POTEG: variants seen among roughly 807,000 people sequenced by gnomAD.
POTEG encodes the protein ANKRD26-like family C member 2.
A neutral mutation model predicts 49.6 loss-of-function variants in POTEG; 2 were observed. That is an observed-to-expected ratio of 0.04 (90% CI 0.02 to 0.13). POTEG has a LOEUF of 0.13. Ranked by LOEUF, POTEG falls within the 10% of genes least tolerant of loss-of-function variation. POTEG has a pLI of 1.00. For missense variants in POTEG, 26 were observed against 545.2 expected (o/e 0.05, Z 9.48); for synonymous variants, 7 against 186.6 (o/e 0.04, Z 7.84).
intron 7 of POTEG, among the ~76,000 whole-genome samples, chr14:19,415,995 C>T (rs1453428585): frequency 3.4e-5 from 5 of 149,212 alleles, no homozygotes; most frequent in South Asian, 4.3e-4. Flanking sequence ...CAGGTGCCCA[C>T]CACCACACCC....
At chr14:19,427,046 TCAG>T (rs1883985037) in intron 3 of POTEG, 1 of 311,854 alleles carries the variant, frequency 3.2e-6, no homozygotes, top group Non-Finnish European at 6.1e-6. Flanking sequence ...TTTAAAGAAA[TCAG>T]CACATATCCA....
chr14:19,413,350 TTAC>T lies in POTEG; in HGVS notation c.1409+1_1409+3del. Reference sequence around the variant, plus strand: ...TCTCCTGTTCAATGTTGCCACAGACTTACCTGTGATACTGTTCATTCTCAGTGT... The same window carrying T: ...TCTCCTGTTCAATGTTGCCACAGACTCTGTGATACTGTTCATTCTCAGTGT... On this transcript the variant is annotated splice_donor_variant and splice_donor_region_variant and intron_variant, in intron 9 of 10. Coordinates refer to ENST00000547848, the MANE Select transcript of POTEG (RefSeq NM_001005356.3). LOFTEE classifies it high-confidence loss of function. The T allele has an allele frequency of 8.8e-7, 1 of 1,131,100 alleles. No individual in the cohort carries two copies. Among genetic ancestry groups the T allele is most frequent in the Non-Finnish European group, 1.2e-6 (1 of 838,990 alleles). 70.1% of individuals were successfully genotyped at this position (1,131,100 alleles called of 1,614,324 possible). A position where few individuals can be genotyped will look rare whatever the true frequency, so the allele number is the denominator to read the frequency against.
chr14:19,415,840 T>C lies in POTEG; in HGVS notation c.1197+448A>G, dbSNP rs1298888995. On this transcript the variant is annotated intron_variant, in intron 7 of 10. Transcript: ENST00000547848. ...AAGAATCTATTAAAATTTTTTTTTT[T>C]TTTTTTTTTTTTTTTTTTTTTTTGA... 1.2e-4 allele frequency among the ~76,000 whole-genome samples: 16 copies of C among 131,740 alleles called. 1 individual carries two copies. Among genetic ancestry groups the C allele is most frequent in the South Asian group, 7.2e-4 (3 of 4,184 alleles). 86.4% of individuals were successfully genotyped at this position (131,740 alleles called of 152,430 possible).
chr14:19,415,935 C>T (rs1203809947), intron 7 of POTEG, among the ~76,000 whole-genome samples: 1 of 145,176 alleles, frequency 6.9e-6, no homozygotes, highest in Non-Finnish European at 1.5e-5. Flanking sequence ...AGCTCCACCC[C>T]CCAGGTTCAT....
At chr14:19,408,479 CTTT>C (rs1883346675) in intron 9 of POTEG, among the ~76,000 whole-genome samples, 1 of 150,200 alleles carries the variant, frequency 6.7e-6, no homozygotes, top group Non-Finnish European at 1.5e-5. Flanking sequence ...TTCCAACTGT[CTTT>C]TTATTTCAAA....
intron 7 of POTEG, among the ~76,000 whole-genome samples, chr14:19,415,828 AATTTTTTTTTTTTTTTTT>A (rs1883537277): frequency 7.5e-6 from 1 of 132,996 alleles, no homozygotes; most frequent in East Asian, 2.2e-4. Context: ...AATCTATTAA[AATTTTTTTTTTTTTTTTT>A]TTTTTTTTTT....
chr14:19,415,163 G>A (rs1235404039), intron 7 of POTEG, among the ~76,000 whole-genome samples: 1 of 144,224 alleles, frequency 6.9e-6, no homozygotes, highest in Non-Finnish European at 1.6e-5. Context: ...ATTATATACT[G>A]TAATATGATA....
chr14:19,426,908 C>T (rs1477882060), intron 3 of POTEG: 1 of 409,286 alleles, frequency 2.4e-6, no homozygotes, highest in Non-Finnish European at 4.7e-6. Flanking sequence ...GGAGGACCAT[C>T]TGAGCTTCGG....
intron 7 of POTEG, among the ~76,000 whole-genome samples, chr14:19,415,938 A>C (rs185095639): frequency 0.072 from 9,257 of 127,838 alleles, no homozygotes; most frequent in South Asian, 0.14. Context: ...TCCACCCCCC[A>C]GGTTCATGGC....
intron 6 of POTEG, among the ~76,000 whole-genome samples, chr14:19,420,015 G>A (rs1214746202): frequency 2.9e-5 from 4 of 139,076 alleles, no homozygotes; most frequent in Admixed American, 7.2e-5. Context: ...CACACTTTTG[G>A]TATTAGCAAA....
At chr14:19,414,701 AGTAATCAAGT>A (rs1306841441) in intron 7 of POTEG, 95 bp from the exon 8 acceptor site, 1 of 1,378,672 alleles carries the variant, frequency 7.3e-7, no homozygotes, top group Non-Finnish European at 9.8e-7. Flanking sequence ...TTTATTCTTA[AGTAATCAAGT>A]ATGGACAATA....
chr14:19,414,939 AC>A, intron 7 of POTEG, among the ~76,000 whole-genome samples: 1 of 134,648 alleles, frequency 7.4e-6, no homozygotes, highest in Admixed American at 7.4e-5. Context: ...TGTTAAATCT[AC>A]CAAAAATGAA....
intron 1 of POTEG, among the ~76,000 whole-genome samples, chr14:19,432,363 T>TG (rs1884166547): frequency 8.6e-5 from 4 of 46,424 alleles, no homozygotes; most frequent in Non-Finnish European, 1.7e-4. Context: ...AAAAAGAAAT[T>TG]TTGTATATAT....
chr14:19,419,009 A>C lies in POTEG; in HGVS notation c.1126+2615T>G, dbSNP rs543840821. Among the ~76,000 whole-genome samples the C allele has an allele frequency of 1.1e-4, 13 of 118,740 alleles. 1 individual carries two copies. Among genetic ancestry groups the C allele is most frequent in the African/African-American group, 3.0e-4 (8 of 26,694 alleles). The allele number at this position is 118,740 out of a possible 152,430, so 77.9% of individuals were successfully genotyped here. ...ATGAAAAAAGCATAACACCAAAAAA[A>C]AAAAAAACAAAAACAAAGGCCAACA... On this transcript the variant is annotated intron_variant, in intron 6 of 10. Transcript: ENST00000547848.
At chr14:19,432,423 TGTATATA>T (rs1884188613) in intron 1 of POTEG, among the ~76,000 whole-genome samples, 1 of 85,864 alleles carries the variant, frequency 1.2e-5, no homozygotes, top group Admixed American at 1.2e-4. Context: ...TGTATATATA[TGTATATA>T]CGTATATATA....
chr14:19,415,154 T>C (rs1468770476), intron 7 of POTEG, among the ~76,000 whole-genome samples: 1 of 144,686 alleles, frequency 6.9e-6, no homozygotes, highest in African/African-American at 2.5e-5. Context: ...TTAATTGAAA[T>C]TATATACTGT....
intron 4 of POTEG, 131 bp from the exon 5 acceptor site, chr14:19,424,433 C>T: frequency 1.8e-6 from 1 of 557,238 alleles, no homozygotes; most frequent in Non-Finnish European, 2.6e-6. Flanking sequence ...TAAGCATCTT[C>T]AGTGCTCAAG....
intron 4 of POTEG, 136 bp from the exon 5 acceptor site, chr14:19,424,438 C>T: frequency 2.4e-6 from 1 of 424,744 alleles, no homozygotes. Context: ...ATCTTCAGTG[C>T]TCAAGTGTTC....
chr14:19,418,936 G>T (rs1361737943), intron 6 of POTEG, among the ~76,000 whole-genome samples: 1 of 73,004 alleles, frequency 1.4e-5, no homozygotes, highest in Non-Finnish European at 2.4e-5. Flanking sequence ...AAAAAAAACT[G>T]CCAACAATTA....
Sources: gnomAD v4.1 joint callset for allele counts (sites outside exome capture counted in the v4.1 genomes callset) on GRCh38, gnomAD v4.1.1 for gene constraint, MANE v1.5 for transcripts, NCBI Gene and HGNC (gene_info 2026-07-23, HGNC 2026-07-21) for gene names.